MMACHC: variants seen among roughly 807,000 people sequenced by gnomAD.
MMACHC encodes the protein cyanocobalamin reductase / alkylcobalamin dealkylase.
A neutral mutation model predicts 17.6 loss-of-function variants in MMACHC; 14 were observed. That is an observed-to-expected ratio of 0.80 (90% CI 0.53 to 1.25). The LOEUF (loss-of-function observed/expected upper bound fraction) is 1.25. Among genes scored for constraint, MMACHC ranks in the 50% most tolerant of loss-of-function variants. The pLI is 0.00. For missense variants in MMACHC, 392 were observed against 364.5 expected, an observed-to-expected ratio of 1.08 and a Z score of -0.62; for synonymous variants, 151 against 142.1, an observed-to-expected ratio of 1.06 and a Z score of -0.45.
At chr1:45,505,118 T>TAA (rs71052893) in intron 1 of MMACHC, among the ~76,000 whole-genome samples, 29,607 of 119,210 alleles carry the variant, frequency 0.25, 4,000 homozygotes, top group Middle Eastern at 0.36. Flanking sequence ...TGTATACATT[T>TAA]AAAAAAAAAA....
rs1443844532 is a variant in MMACHC, at chr1:45,509,413, TGA to T, written c.*200_*201del. On this transcript the variant is annotated 3_prime_UTR_variant, in exon 4 of 4. Coordinates refer to ENST00000401061, the MANE Select transcript of MMACHC (RefSeq NM_015506.3). ...ACCAGAATTCCCATCTGCCTTCAAA[TGA>T]GTTTTTTTTTTTTTTTTAGACAGAG... 7.7e-4 allele frequency: 427 copies of T among 552,436 alleles called. 1 individual carries two copies. The highest frequency in any genetic ancestry group is 5.7e-3 in the African/African-American group (214 of 37,304). The allele number at this position is 552,436 out of a possible 1,614,324, so 34.2% of individuals were successfully genotyped here.
In MMACHC at chr1:45,511,242, G is replaced by C. The variant is rs1474796390; in HGVS notation, c.*2027G>C. 14 of 1,139,278 alleles carry C rather than the reference G, an allele frequency of 1.2e-5. No homozygotes were observed. The highest frequency in any genetic ancestry group is 1.8e-5 in the Non-Finnish European group (14 of 794,734). The allele number at this position is 1,139,278 out of a possible 1,614,324, so 70.6% of individuals were successfully genotyped here. ...ACAATTCGGCTGAATCTGAAGTCTT[G>C]TGTTTTACTAATGGAAAAAAAAAAT... On this transcript the variant is annotated 3_prime_UTR_variant, in exon 4 of 4. Coordinates refer to ENST00000401061, the MANE Select transcript of MMACHC (RefSeq NM_015506.3).
intron 1 of MMACHC, 22 bp from the exon 2 acceptor site, chr1:45,507,334 T>C: frequency 6.2e-7 from 1 of 1,613,472 alleles, no homozygotes; most frequent in Non-Finnish European, 8.5e-7. Context: ...CTCTCCAGCC[T>C]GGCCTGAACT....
rs184974849 is a variant in MMACHC at position 45,509,014 on chromosome 1, A to T, written c.648A>T (p.Ser216=). ...CTGTGACACCCCAGGAGCGCTACTC[A>T]GAAGAGCAGAAGGCCTACTTCTCCA... ...RDAVTPQERY[S]EEQKAYFSTP... is the part of the protein sequence containing the mutation. Residue 216 remains serine (S), a synonymous_variant, in exon 4 of 4, where the codon TCA becomes TCT. Coordinates refer to ENST00000401061, the MANE Select transcript of MMACHC (RefSeq NM_015506.3). 6.2e-7 allele frequency: 1 copy of T among 1,614,186 alleles called. No homozygotes were observed. Among genetic ancestry groups the T allele is most frequent in the Admixed American group, 1.7e-5 (1 of 60,022 alleles).
chr1:45,512,215 A>G lies in MMACHC; in HGVS notation c.*3000A>G, dbSNP rs1223462010. The G allele has an allele frequency of 1.3e-5, 2 of 149,022 alleles. No homozygotes were observed. Among genetic ancestry groups the G allele is most frequent in the Non-Finnish European group, 3.0e-5 (2 of 67,246 alleles). 9.2% of individuals were successfully genotyped at this position (149,022 alleles called of 1,614,324 possible). A position where few individuals can be genotyped will look rare whatever the true frequency, so the allele number is the denominator to read the frequency against. On this transcript the variant is annotated 3_prime_UTR_variant, in exon 4 of 4. Coordinates refer to ENST00000401061, the MANE Select transcript of MMACHC (RefSeq NM_015506.3). ...ATTCTCCTGCATCAGCCTCCCAAAT[A>G]GCTAGGATTACAGGCGCCCACCACC...
rs11374269 is a variant in MMACHC at position 45,500,865 on chromosome 1, CAAAAAAA to C, written c.81+468_81+474del. Among the ~76,000 whole-genome samples, 635 of 86,350 alleles carry C rather than the reference CAAAAAAA, an allele frequency of 7.4e-3. 3 individuals carry two copies. The highest frequency in any genetic ancestry group is 0.026 in the African/African-American group (592 of 23,118). 56.6% of individuals were successfully genotyped at this position (86,350 alleles called of 152,430 possible). ...AGCAACAAAGAGCGAAACTCCGTGT[CAAAAAAA>C]AAAAAAAAAAAAAAAGTTGTCGCAT... is the stretch of plus-strand genomic sequence containing the variant. On this transcript the variant is annotated intron_variant, in intron 1 of 3. Coordinates refer to ENST00000401061, the MANE Select transcript of MMACHC (RefSeq NM_015506.3).
intron 1 of MMACHC, among the ~76,000 whole-genome samples, chr1:45,500,803 G>A (rs1445467544): frequency 6.7e-6 from 1 of 148,198 alleles, no homozygotes; most frequent in Non-Finnish European, 1.5e-5. Context: ...GACGGAGGTT[G>A]CAGTGAGCCG....
intron 2 of MMACHC, 142 bp downstream of exon 2, chr1:45,507,692 G>A: frequency 9.9e-7 from 1 of 1,010,900 alleles, no homozygotes; most frequent in Non-Finnish European, 1.5e-6. Context: ...GACATTCTGT[G>A]ATCTTTCCTC....
Position 45,509,024 on chromosome 1 carries a change from A to G in MMACHC, c.658A>G (p.Lys220Glu), listed in dbSNP as rs200023742. The change falls in exon 4 of 4, where the codon AAG (lysine) becomes GAG (glutamate). Residue 220 changes from lysine (K) to glutamate (E), a missense_variant. Coordinates refer to ENST00000401061, the MANE Select transcript of MMACHC (RefSeq NM_015506.3). ...TPQERYSEEQ[K>E]AYFSTPPAQR... The stretch of plus-strand genomic sequence containing the variant: ...CCAGGAGCGCTACTCAGAAGAGCAG[A>G]AGGCCTACTTCTCCACTCCACCTGC... 44 of 1,613,986 alleles carry G rather than the reference A, an allele frequency of 2.7e-5. No individual in the cohort carries two copies. The highest frequency in any genetic ancestry group is 3.3e-5 in the Non-Finnish European group (39 of 1,180,034).
intron 1 of MMACHC, 42 bp downstream of exon 1, chr1:45,500,455 T>C (rs370171474): frequency 2.5e-6 from 4 of 1,598,154 alleles, no homozygotes; most frequent in Non-Finnish European, 3.4e-6. Context: ...AAATATATGA[T>C]TGGCTTCGTT....
intron 1 of MMACHC, among the ~76,000 whole-genome samples, chr1:45,505,223 T>C (rs866415369): frequency 6.8e-5 from 10 of 147,124 alleles, no homozygotes; most frequent in African/African-American, 1.8e-4. Flanking sequence ...CCGATGCAGG[T>C]GGATCATGAG....
intron 3 of MMACHC, 148 bp from the exon 4 acceptor site, chr1:45,508,648 T>C (rs1346590437): frequency 9.8e-7 from 1 of 1,019,584 alleles, no homozygotes; most frequent in Admixed American, 2.7e-5. Context: ...CAGAATAGTT[T>C]ATGAAAGGGT....
Position 45,509,262 on chromosome 1 carries a change from T to C in MMACHC, c.*47T>C, listed in dbSNP as rs1463067696. Reference sequence around the variant, plus strand: ...ATTTATGGTGGTACTTGCTAGGACTTAATTGGCTTTGGCAAAGCAAAAGGT... The same window carrying C: ...ATTTATGGTGGTACTTGCTAGGACTCAATTGGCTTTGGCAAAGCAAAAGGT... On this transcript the variant is annotated 3_prime_UTR_variant, in exon 4 of 4. Transcript: ENST00000401061. The C allele has an allele frequency of 6.2e-7, 1 of 1,609,928 alleles. No homozygotes were observed. The highest frequency in any genetic ancestry group is 8.5e-7 in the Non-Finnish European group (1 of 1,176,646).
At chr1:45,500,629 C>T (rs1274116595) in intron 1 of MMACHC, among the ~76,000 whole-genome samples, 1 of 152,104 alleles carries the variant, frequency 6.6e-6, no homozygotes, top group Non-Finnish European at 1.5e-5. Flanking sequence ...CTTTGGGAGG[C>T]CGAGGCGGGC....
chr1:45,508,329 C>A lies in MMACHC; in HGVS notation c.394C>A (p.Arg132=), dbSNP rs121918241. The A allele has an allele frequency of 6.2e-7, 1 of 1,614,182 alleles. No homozygotes were observed. The highest frequency in any genetic ancestry group is 1.1e-5 in the South Asian group (1 of 91,078). Residue 132 remains arginine, a synonymous_variant, in exon 3 of 4, where the codon CGA becomes AGA. Transcript: ENST00000401061. ...HVAGAAYYYQ[R]QDVEADPWGN... ...AGCTGGGGCTGCTTACTACTACCAA[C>A]GACAAGATGTGGAGGCTGACCCATG...
At chr1:45,504,368 A>T (rs1039988902) in intron 1 of MMACHC, among the ~76,000 whole-genome samples, 4 of 152,158 alleles carry the variant, frequency 2.6e-5, no homozygotes, top group Non-Finnish European at 5.9e-5. Context: ...GTGAGCCAAG[A>T]TCGCGCCACA....
Position 45,511,131 on chromosome 1 carries a change from A to C in MMACHC, c.*1916A>C, listed in dbSNP as rs1262420296. On this transcript the variant is annotated 3_prime_UTR_variant, in exon 4 of 4. Coordinates refer to ENST00000401061, the MANE Select transcript of MMACHC (RefSeq NM_015506.3). ...CATCATACAAACCAGTAGCCTGCCCACAACGCCAACTCAGGCCATTCCTAC... is the reference window on the plus strand; with the variant it reads ...CATCATACAAACCAGTAGCCTGCCCCCAACGCCAACTCAGGCCATTCCTAC... The C allele has an allele frequency of 1.9e-6, 1 of 521,856 alleles. No homozygotes were observed. 32.3% of individuals were successfully genotyped at this position (521,856 alleles called of 1,614,324 possible). A position where few individuals can be genotyped will look rare whatever the true frequency, so the allele number is the denominator to read the frequency against.
Position 45,511,774 on chromosome 1 carries a change from C to G in MMACHC, c.*2559C>G, listed in dbSNP as rs1643751165. 6.2e-6 allele frequency: 1 copy of G among 160,852 alleles called. No homozygotes were observed. The highest frequency in any genetic ancestry group is 1.4e-5 in the Non-Finnish European group (1 of 74,050). 10.0% of individuals were successfully genotyped at this position (160,852 alleles called of 1,614,324 possible). ...GTAAACCCTTAACACTAAACTGTTT[C>G]TGACAGCCCTTCAGAGCTCTGAAGA... On this transcript the variant is annotated 3_prime_UTR_variant, in exon 4 of 4. Transcript: ENST00000401061.
Position 45,508,337 on chromosome 1 carries a change from T to C in MMACHC, c.402T>C (p.Asp134=), listed in dbSNP as rs774024065. ...AGAAYYYQRQ[D]VEADPWGNQR... Reference sequence around the variant, plus strand: ...CTGCTTACTACTACCAACGACAAGATGTGGAGGCTGACCCATGGGGGAACC... The same window carrying C: ...CTGCTTACTACTACCAACGACAAGACGTGGAGGCTGACCCATGGGGGAACC... The change falls in exon 3 of 4, where the codon GAT becomes GAC. Residue 134 remains aspartate, a synonymous_variant. Coordinates refer to ENST00000401061, the MANE Select transcript of MMACHC (RefSeq NM_015506.3). 4.3e-6 allele frequency: 7 copies of C among 1,614,022 alleles called. No homozygotes were observed. In the African/African-American group the frequency reaches 8.0e-5, roughly 18 times the overall value.
Sources: gnomAD v4.1 joint callset for allele counts (sites outside exome capture counted in the v4.1 genomes callset) on GRCh38, gnomAD v4.1.1 for gene constraint, MANE v1.5 for transcripts, NCBI Gene and HGNC (gene_info 2026-07-23, HGNC 2026-07-21) for gene names.